PLEKHA4: variants seen among roughly 807,000 people sequenced by gnomAD.
The protein encoded by PLEKHA4 is pleckstrin homology domain-containing family A member 4.
In PLEKHA4, 73 loss-of-function variants were observed where a neutral mutation model predicts 94.7. The ratio of observed to expected loss-of-function variants is 0.77; its 90% CI spans 0.64 to 0.94. The LOEUF is 0.94. Ranked by LOEUF, PLEKHA4 falls within the 40% of genes least tolerant of loss-of-function variation. The pLI is 0.00. For synonymous variants in PLEKHA4, 449 were observed against 437.1 expected (o/e 1.03, Z -0.34); for missense variants, 1,049 against 1,054.1 (o/e 1.00, Z 0.07).
intron 16 of PLEKHA4, among the ~76,000 whole-genome samples, chr19:48,841,514 T>C (rs1209159347): frequency 6.6e-6 from 1 of 151,808 alleles, no homozygotes; most frequent in Non-Finnish European, 1.5e-5. Context: ...GTAATCCTAA[T>C]TACTCAGGAG....
chr19:48,856,750 T>G (rs2036427212), intron 9 of PLEKHA4, among the ~76,000 whole-genome samples: 2 of 135,816 alleles, frequency 1.5e-5, no homozygotes, highest in Admixed American at 1.5e-4. Context: ...TACAAAAAAA[T>G]TAGCCGGGCG....
chr19:48,865,824 C>CT (rs557452855), intron 2 of PLEKHA4, among the ~76,000 whole-genome samples: 103 of 152,080 alleles, frequency 6.8e-4, no homozygotes, highest in Non-Finnish European at 1.2e-3. Flanking sequence ...ACCATCCTGG[C>CT]TAACACGGTG....
chr19:48,860,321 T>G (rs762006899), intron 6 of PLEKHA4, 29 bp downstream of exon 6: 3 of 1,579,082 alleles, frequency 1.9e-6, no homozygotes, highest in Non-Finnish European at 1.7e-6. Flanking sequence ...GGGTGGAGGG[T>G]CAGGAGCATG....
intron 9 of PLEKHA4, among the ~76,000 whole-genome samples, chr19:48,854,868 G>GTTGT (rs1232357525): frequency 1.3e-5 from 2 of 151,516 alleles, no homozygotes; most frequent in South Asian, 4.2e-4. Context: ...GCCAGCTAAG[G>GTTGT]TTGTTTGTTT....
rs2036559785 is a variant in PLEKHA4, at chr19:48,859,627, ACCGGGGCCG to A, written c.525_533del (p.Gly178_Pro180del). 1 of 1,612,708 alleles carries A rather than the reference ACCGGGGCCG, an allele frequency of 6.2e-7. No homozygotes were observed. The highest frequency in any genetic ancestry group is 8.5e-7 in the Non-Finnish European group (1 of 1,179,918). On this transcript the variant is annotated inframe_deletion, in exon 7 of 20. Coordinates refer to ENST00000263265, the MANE Select transcript of PLEKHA4 (RefSeq NM_020904.3). ...CCCCTCTGCTCACCTCCGGGGGACCACCGGGGCCGCCGGGGCCCTCCCCGGGCTGGGGTC... is the reference window on the plus strand; with the variant it reads ...CCCCTCTGCTCACCTCCGGGGGACCACCGGGGCCCTCCCCGGGCTGGGGTC...
chr19:48,845,648 A>G lies in PLEKHA4; in HGVS notation c.1567-32T>C, dbSNP rs925192976. 6 of 1,399,792 alleles carry G rather than the reference A, an allele frequency of 4.3e-6. No homozygotes were observed. In the African/African-American group the frequency reaches 7.3e-5, roughly 17 times the overall value. The allele number at this position is 1,399,792 out of a possible 1,614,324, so 86.7% of individuals were successfully genotyped here. A position where few individuals can be genotyped will look rare whatever the true frequency, so the allele number is the denominator to read the frequency against. ...GGATTAGAAAAGGGGGATAATGATG[A>G]TCATTATAATAATTATTATTATTAC... On this transcript the variant is annotated intron_variant, in intron 14 of 19. Transcript: ENST00000263265.
rs753433126 is a variant in PLEKHA4 at position 48,859,501 on chromosome 19, A to AG, written c.659dup (p.Gly221TrpfsTer57). On this transcript the variant is annotated frameshift_variant, in exon 7 of 20. Coordinates refer to ENST00000263265, the MANE Select transcript of PLEKHA4 (RefSeq NM_020904.3). LOFTEE classifies it high-confidence loss of function. ...TCCTCGCCCTCCGCATCTGGAGTCC[A>AG]GAGTGGAGGTCGGTTGTGGGGCTGG... 3.1e-6 allele frequency: 5 copies of AG among 1,613,846 alleles called. No individual in the cohort carries two copies. The highest frequency in any genetic ancestry group is 4.2e-6 in the Non-Finnish European group (5 of 1,180,002).
chr19:48,854,578 G>A (rs948250713), intron 9 of PLEKHA4, among the ~76,000 whole-genome samples: 2 of 151,760 alleles, frequency 1.3e-5, no homozygotes, highest in African/African-American at 4.8e-5. Context: ...TTTTGGTAGC[G>A]ATGGGGTTTT....
rs1191546733 is a variant in PLEKHA4 at position 48,837,538 on chromosome 19, G to A, written c.2091C>T (p.Asp697=). The change falls in exon 20 of 20, where the codon GAC becomes GAT. Residue 697 remains aspartate (D), a synonymous_variant. Transcript: ENST00000263265. The surrounding 1 kb of genome is among the most constrained non-coding windows in gnomAD (Gnocchi z 4.3). The part of the protein sequence containing the change: ...WHRMMTGGNL[D]SQGDPLPGVP... Reference sequence around the variant, plus strand: ...CACCGGGAAGAGGGTCTCCCTGGGAGTCCAAATTTCCACCTGGAGAGGATG... The same window carrying A: ...CACCGGGAAGAGGGTCTCCCTGGGAATCCAAATTTCCACCTGGAGAGGATG... The A allele has an allele frequency of 6.2e-7, 1 of 1,613,508 alleles. No individual in the cohort carries two copies.
rs191834863 is a variant in PLEKHA4 at position 48,838,202 on chromosome 19, A to G, written c.1965-73T>C. On this transcript the variant is annotated intron_variant, in intron 18 of 19. Transcript: ENST00000263265. ...AGGTGGGGGATGGTTAATTGGTACA[A>G]AAAGAAAAGGATGAATAAGACCTAC... 1.1e-3 allele frequency: 1,011 copies of G among 889,480 alleles called. 4 individuals are homozygous for G. Among genetic ancestry groups the G allele is most frequent in the South Asian group, 2.1e-3 (140 of 67,000 alleles). The allele number at this position is 889,480 out of a possible 1,614,324, so 55.1% of individuals were successfully genotyped here.
intron 3 of PLEKHA4, among the ~76,000 whole-genome samples, chr19:48,863,989 G>T (rs569456844): frequency 8.5e-5 from 13 of 152,264 alleles, no homozygotes; most frequent in African/African-American, 3.1e-4. Flanking sequence ...GCAAATCTAT[G>T]ATGGTACCTC....
chr19:48,859,042 C>T lies in PLEKHA4; in HGVS notation c.790G>A (p.Ala264Thr). The change falls in exon 8 of 20, where the codon GCA (alanine) becomes ACA (threonine). Residue 264 changes from alanine (A) to threonine (T), a missense_variant. Ala to Thr is a moderately conservative substitution (Grantham distance 58, BLOSUM62 0). Transcript: ENST00000263265. ...RRPPAPSGDT[A>T]PPARPHTPLS... ...GGGGTGTGAGGTCGGGCAGGGGGTG[C>T]TGTGTCTCCTGAGGGGGCAGGGGGT... is the stretch of plus-strand genomic sequence containing the variant. 1 of 1,314,908 alleles carries T rather than the reference C, an allele frequency of 7.6e-7. No homozygotes were observed. Among genetic ancestry groups the T allele is most frequent in the East Asian group, 4.0e-5 (1 of 24,834 alleles). 81.5% of individuals were successfully genotyped at this position (1,314,908 alleles called of 1,614,324 possible).
intron 17 of PLEKHA4, among the ~76,000 whole-genome samples, chr19:48,840,057 G>A (rs755524047): frequency 6.6e-6 from 1 of 151,640 alleles, no homozygotes; most frequent in Non-Finnish European, 1.5e-5. Context: ...GCAGTGAGTC[G>A]AGATTCCACC....
chr19:48,848,136 A>G, intron 13 of PLEKHA4, 96 bp from the exon 14 acceptor site: 3 of 1,298,796 alleles, frequency 2.3e-6, no homozygotes, highest in Non-Finnish European at 3.2e-6. Context: ...CAGCTGGGCT[A>G]TATTTATGGA....
At chr19:48,851,730 A>G (rs2036197661) in intron 13 of PLEKHA4, among the ~76,000 whole-genome samples, 1 of 152,068 alleles carries the variant, frequency 6.6e-6, no homozygotes, top group South Asian at 2.1e-4. Flanking sequence ...CGTGGCAGGC[A>G]GATCACTTGA....
At chr19:48,857,020 A>C (rs2036447986) in intron 9 of PLEKHA4, among the ~76,000 whole-genome samples, 1 of 151,924 alleles carries the variant, frequency 6.6e-6, no homozygotes, top group African/African-American at 2.4e-5. Flanking sequence ...GTGTCCTAAT[A>C]GGAGGAGATG....
At position 48,845,487 on chromosome 19, in the gene PLEKHA4, C is replaced by T. The variant is rs369664040; in HGVS notation, c.1666+30G>A. The stretch of plus-strand genomic sequence containing the variant: ...GGGACTTGGTGAGGACGGGAATTTC[C>T]GTAAAGTCCCACCCAACCAGGATGC... On this transcript the variant is annotated intron_variant, in intron 15 of 19. Coordinates refer to ENST00000263265, the MANE Select transcript of PLEKHA4 (RefSeq NM_020904.3). The T allele has an allele frequency of 5.8e-5, 94 of 1,613,394 alleles. 1 individual carries two copies. In the African/African-American group the frequency reaches 1.1e-3, roughly 18 times the overall value.
At chr19:48,839,327 G>A (rs759117489) in intron 17 of PLEKHA4, 64 bp from the exon 18 acceptor site, 26 of 1,127,536 alleles carry the variant, frequency 2.3e-5, no homozygotes, top group Non-Finnish European at 2.9e-5. Flanking sequence ...TTTTGAGGGT[G>A]AAGTGAAGGG....
intron 6 of PLEKHA4, 31 bp downstream of exon 6, chr19:48,860,319 G>A (rs1490338370): frequency 1.9e-6 from 3 of 1,565,832 alleles, no homozygotes; most frequent in Non-Finnish European, 2.6e-6. Flanking sequence ...CAGGGTGGAG[G>A]GTCAGGAGCA....
Sources: gnomAD v4.1 joint callset for allele counts (sites outside exome capture counted in the v4.1 genomes callset) on GRCh38, gnomAD v4.1.1 for gene constraint, Gnocchi (gnomAD v3.1) non-coding constraint, MANE v1.5 for transcripts, NCBI Gene and HGNC (gene_info 2026-07-23, HGNC 2026-07-21) for gene names.